Variants in UTP14A observed in about 807,000 individuals in gnomAD.
UTP14A encodes the protein U3 small nucleolar RNA-associated protein 14 homolog A.
Under a neutral mutation model 57.2 loss-of-function variants are expected in UTP14A, and 5 were observed. That is an observed-to-expected ratio of 0.09 (90% CI 0.05 to 0.18). UTP14A has a LOEUF of 0.18. Among genes scored for constraint, UTP14A ranks in the 10% least tolerant of loss-of-function variants. The probability of loss-of-function intolerance (pLI) is 1.00; values close to 1 mark genes in which losing one functional copy is unlikely to be tolerated. For missense variants in UTP14A, 430 were observed against 562.1 expected, an observed-to-expected ratio of 0.76 and a Z score of 2.38; for synonymous variants, 169 against 210.9, an observed-to-expected ratio of 0.80 and a Z score of 1.72.
intron 2 of UTP14A, 143 bp from the exon 3 acceptor site, chrX:129,907,917 C>T: frequency 1.9e-6 from 1 of 523,810 alleles, no homozygotes. Context: ...GATAACACCA[C>T]TGCACTCCAT....
At chrX:129,909,452 A>T (rs569390735) in intron 4 of UTP14A, among the ~76,000 whole-genome samples, 1 of 109,818 alleles carries the variant, frequency 9.1e-6, no homozygotes, top group South Asian at 3.8e-4. Flanking sequence ...CTCGTGATCC[A>T]CCCGCCGCAG....
intron 1 of UTP14A, 100 bp from the exon 2 acceptor site, chrX:129,907,264 TTTC>T: frequency 1.6e-6 from 1 of 622,382 alleles, no homozygotes. Flanking sequence ...AATAATAATA[TTTC>T]TTTTTTTAAT....
At chrX:129,928,769 A>T (rs754255401) in intron 14 of UTP14A, among the ~76,000 whole-genome samples, 2 of 111,208 alleles carry the variant, frequency 1.8e-5, no homozygotes, top group South Asian at 3.8e-4. Flanking sequence ...ACAAAAAAAA[A>T]ATATCAATCC....
chrX:129,908,161 A>G, intron 3 of UTP14A, 31 bp downstream of exon 3: 4 of 1,134,296 alleles, frequency 3.5e-6, no homozygotes, highest in African/African-American at 3.6e-5. Context: ...GGCAGGTTAT[A>G]TAGTCAATTC....
chrX:129,925,328 C>A, intron 12 of UTP14A, 133 bp downstream of exon 12: 1 of 883,586 alleles, frequency 1.1e-6, no homozygotes, highest in Non-Finnish European at 1.5e-6. Flanking sequence ...CAGGCTAGTC[C>A]CAGTGACGTT....
At position 129,908,808 on chromosome X, in the gene UTP14A, C is replaced by T. The variant is rs193227452; in HGVS notation, c.238+74C>T. On this transcript the variant is annotated intron_variant, in intron 4 of 14. Transcript: ENST00000394422. ...AAGGGCATTGTGTTCACCTCACCCCCCCTAGGAACTGTTTTTGATGTGGTT... is the reference window on the plus strand; with the variant it reads ...AAGGGCATTGTGTTCACCTCACCCCTCCTAGGAACTGTTTTTGATGTGGTT... 568 of 985,482 alleles carry T rather than the reference C, an allele frequency of 5.8e-4. 5 individuals are homozygous for T. The African/African-American group carries it at 9.4e-3, about 16-fold the overall frequency. The allele number at this position is 985,482 out of a possible 1,213,427, so 81.2% of individuals were successfully genotyped here.
chrX:129,907,397 A>G lies in UTP14A; in HGVS notation c.57A>G (p.Leu19=), dbSNP rs1345764479. 4.1e-6 allele frequency: 5 copies of G among 1,209,947 alleles called. No homozygotes were observed. Among genetic ancestry groups the G allele is most frequent in the Admixed American group, 2.2e-5 (1 of 45,492 alleles). ...SLLALSQQEE[L]ADLPKDYLLS... is the part of the protein sequence containing the mutation. ...TGGCTTTGAGCCAACAGGAAGAACTAGCGGATTTGCCAAAAGACTACCTCT... is the reference window on the plus strand; with the variant it reads ...TGGCTTTGAGCCAACAGGAAGAACTGGCGGATTTGCCAAAAGACTACCTCT... Residue 19 remains leucine, a synonymous_variant, in exon 2 of 15, where the codon CTA becomes CTG. Coordinates refer to ENST00000394422, the MANE Select transcript of UTP14A (RefSeq NM_006649.4).
At chrX:129,928,526 C>T (rs1930194721) in intron 14 of UTP14A, among the ~76,000 whole-genome samples, 2 of 109,901 alleles carry the variant, frequency 1.8e-5, no homozygotes, top group Admixed American at 9.8e-5. Flanking sequence ...GAGGCTGAGG[C>T]GGGTGGATCA....
intron 6 of UTP14A, among the ~76,000 whole-genome samples, chrX:129,914,405 C>T (rs1929600336): frequency 9.0e-6 from 1 of 110,504 alleles, no homozygotes; most frequent in South Asian, 3.9e-4. Context: ...GGTGAAACCT[C>T]GTCTTTACTA....
chrX:129,918,369 G>A (rs1288448522), intron 6 of UTP14A, among the ~76,000 whole-genome samples: 1 of 89,524 alleles, frequency 1.1e-5, no homozygotes, highest in African/African-American at 4.4e-5. Flanking sequence ...CAGCCTGGGT[G>A]ACAGAGCAAG....
Position 129,921,387 on chromosome X carries a change from A to G in UTP14A, c.1148A>G (p.Asp383Gly). Residue 383 changes from aspartate to glycine, a missense_variant, in exon 11 of 15, where the codon GAC becomes GGC. Physicochemically the swap from Asp to Gly is moderately conservative, Grantham distance 94. Around this residue, in one of 4 missense-constraint regions of UTP14A, gnomAD observed 83 missense variants for 140.4 expected, o/e 0.59. Transcript: ENST00000394422. ...TGGATGCTCAGGAGCTGCACCAGTG[A>G]CACCAAAGAGGCTGCAACCCAGGAG... ...NPWMLRSCTS[D>G]TKEAATQEDP... is the part of the protein sequence containing the mutation. 1 of 1,211,907 alleles carries G rather than the reference A, an allele frequency of 8.3e-7. No individual in the cohort carries two copies. The highest frequency in any genetic ancestry group is 1.8e-5 in the South Asian group (1 of 56,977).
At chrX:129,923,963 CTTT>C (rs764398386) in intron 11 of UTP14A, among the ~76,000 whole-genome samples, 2 of 101,574 alleles carry the variant, frequency 2.0e-5, no homozygotes, top group Admixed American at 1.1e-4. Flanking sequence ...CAATATGCTA[CTTT>C]TTTTTTTTTT....
intron 6 of UTP14A, among the ~76,000 whole-genome samples, chrX:129,914,339 G>A (rs1929596603): frequency 1.8e-5 from 2 of 111,495 alleles, no homozygotes; most frequent in Non-Finnish European, 3.8e-5. Flanking sequence ...CACTTTGGGA[G>A]GCTGAGGCAG....
rs1402001543 is a variant in UTP14A, at chrX:129,906,234, G to C, written c.24G>C (p.Glu8Asp). The change falls in exon 1 of 15, where the codon GAG becomes GAC. Residue 8 changes from glutamate (E) to aspartate (D), a missense_variant and splice_region_variant. This residue lies in a region of UTP14A where 145 missense variants were observed against 153.5 expected (regional missense o/e 0.94). Coordinates refer to ENST00000394422, the MANE Select transcript of UTP14A (RefSeq NM_006649.4). ...AAATGACTGCGAACCGGCTTGCAGA[G>C]AGGTGAAGGGCAACGAGGGGAGGGG... MTANRLA[E>D]SLLALSQQEE... The C allele has an allele frequency of 1.2e-5, 14 of 1,202,571 alleles. No individual in the cohort carries two copies. The Admixed American group carries it at 3.1e-4, about 27-fold the overall frequency.
At chrX:129,908,878 TAGTC>T (rs1839893412) in intron 4 of UTP14A, 144 bp downstream of exon 4, 9 of 536,809 alleles carry the variant, frequency 1.7e-5, no homozygotes, top group Non-Finnish European at 2.5e-5. Flanking sequence ...TGAAGAAGTG[TAGTC>T]AGATGCCCTT....
chrX:129,916,786 G>A (rs777646541), intron 6 of UTP14A, among the ~76,000 whole-genome samples: 32 of 111,605 alleles, frequency 2.9e-4, no homozygotes, highest in Non-Finnish European at 5.1e-4. Context: ...TGGACAACAC[G>A]TTGTTCTATT....
intron 4 of UTP14A, among the ~76,000 whole-genome samples, chrX:129,910,533 T>G (rs1256403589): frequency 1.8e-5 from 2 of 110,597 alleles, no homozygotes; most frequent in Non-Finnish European, 3.8e-5. Context: ...AAAAAAAAAT[T>G]AAAAAAATTA....
At chrX:129,928,382 C>A (rs1603022679) in intron 14 of UTP14A, among the ~76,000 whole-genome samples, 1 of 46,955 alleles carries the variant, frequency 2.1e-5, no homozygotes, top group East Asian at 9.2e-4. Context: ...GAGACTCCAT[C>A]TCAAAAAAAA....
rs757944535 is a variant in UTP14A at position 129,919,154 on chromosome X, ATGTTTTGT to A, written c.538-18_538-11del. Reference sequence around the variant, plus strand: ...GTAAGAGCATGGCTTAAGACTCAGAATGTTTTGTTGCTTCTTTAAGGCAAGAACTCCCC... The same window carrying A: ...GTAAGAGCATGGCTTAAGACTCAGAATGCTTCTTTAAGGCAAGAACTCCCC... On this transcript the variant is annotated splice_polypyrimidine_tract_variant and intron_variant, in intron 6 of 14. Transcript: ENST00000394422. 1.5e-5 allele frequency: 18 copies of A among 1,209,918 alleles called. No individual in the cohort carries two copies. In the Admixed American group the frequency reaches 2.8e-4, roughly 19 times the overall value.
Sources: gnomAD v4.1 joint callset for allele counts (sites outside exome capture counted in the v4.1 genomes callset) on GRCh38, gnomAD v4.1.1 for gene constraint, gnomAD v4.1.1 regional missense constraint, MANE v1.5 for transcripts, NCBI Gene and HGNC (gene_info 2026-07-23, HGNC 2026-07-21) for gene names.